Variants in GSR observed in about 807,000 individuals in gnomAD.
The protein encoded by GSR is glutathione reductase, mitochondrial.
GSR carries 48 observed loss-of-function variants against 56.5 expected under a neutral mutation model. The observed-to-expected ratio is 0.85, with a 90% CI of 0.67 to 1.08. The LOEUF is 1.08. Among genes scored for constraint, GSR ranks in the 50% least tolerant of loss-of-function variants. The pLI is 0.00. For synonymous variants in GSR, 264 were observed against 270.8 expected, an observed-to-expected ratio of 0.97 and a Z score of 0.25; for missense variants, 694 against 703.3, an observed-to-expected ratio of 0.99 and a Z score of 0.15.
chr8:30,727,708 G>A lies in GSR; in HGVS notation c.128C>T (p.Ala43Val), dbSNP rs1804792284. 1.4e-6 allele frequency: 2 copies of A among 1,424,594 alleles called. No homozygotes were observed. The highest frequency in any genetic ancestry group is 3.0e-5 in the Admixed American group (1 of 33,260). 88.2% of individuals were successfully genotyped at this position (1,424,594 alleles called of 1,614,324 possible). Residue 43 changes from alanine to valine, a missense_variant, in exon 1 of 13, where the codon GCC becomes GTC. Coordinates refer to ENST00000221130, the MANE Select transcript of GSR (RefSeq NM_000637.5). ...CTGCGGCTCCTGCCTGCAGGCCATG[G>A]CACGGGAGAGGGCGCGCGTGAGGGC... ...PAALTRALSR[A>V]MACRQEPQPQ...
intron 1 of GSR, among the ~76,000 whole-genome samples, chr8:30,726,299 C>T (rs190967714): frequency 1.5e-3 from 230 of 152,244 alleles, no homozygotes; most frequent in African/African-American, 5.2e-3. Context: ...GAAGCCCATC[C>T]CTGTCCTTAA....
chr8:30,727,584 G>T lies in GSR; in HGVS notation c.252C>A (p.Ala84=). The T allele has an allele frequency of 6.5e-7, 1 of 1,531,334 alleles. No individual in the cohort carries two copies. The allele number at this position is 1,531,334 out of a possible 1,614,324, so 94.9% of individuals were successfully genotyped here. A position where few individuals can be genotyped will look rare whatever the true frequency, so the allele number is the denominator to read the frequency against. Residue 84 remains alanine (A), a synonymous_variant, in exon 1 of 13, where the codon GCC becomes GCA. Transcript: ENST00000221130. ...SGGLASARRA[A]ELGARAAVVE... is the part of the protein sequence containing the mutation. ...CCACGGCGGCCCTGGCACCCAGCTC[G>T]GCCGCCCTGCGCGCGCTGGCCAGCC...
chr8:30,689,855 A>AT (rs1266672799), intron 8 of GSR, among the ~76,000 whole-genome samples: 4 of 142,216 alleles, frequency 2.8e-5, no homozygotes, highest in African/African-American at 1.0e-4. Context: ...TTATATATAA[A>AT]TATATTTATA....
intron 9 of GSR, among the ~76,000 whole-genome samples, chr8:30,684,793 A>C (rs1241179789): frequency 6.6e-6 from 1 of 152,022 alleles, no homozygotes; most frequent in East Asian, 1.9e-4. Context: ...TCTGTTACCC[A>C]GGCTGGAGTG....
At chr8:30,720,099 A>C (rs561171954) in intron 1 of GSR, among the ~76,000 whole-genome samples, 1 of 152,182 alleles carries the variant, frequency 6.6e-6, no homozygotes, top group South Asian at 2.1e-4. Flanking sequence ...CTGTAGTCCC[A>C]GCTACATGGG....
intron 8 of GSR, 40 bp downstream of exon 8, chr8:30,692,929 T>G: frequency 8.0e-7 from 1 of 1,249,976 alleles, no homozygotes; most frequent in East Asian, 2.3e-5. Flanking sequence ...AAAGTGTGAT[T>G]GACTGGGGGC....
chr8:30,692,898 AC>A (rs1446139954), intron 8 of GSR, 70 bp downstream of exon 8: 2 of 923,806 alleles, frequency 2.2e-6, no homozygotes, highest in African/African-American at 3.2e-5. Context: ...TTTTAAACTA[AC>A]TGGGCGAAGC....
At chr8:30,713,008 T>C (rs958264010) in intron 1 of GSR, among the ~76,000 whole-genome samples, 1 of 151,854 alleles carries the variant, frequency 6.6e-6, no homozygotes, top group African/African-American at 2.4e-5. Context: ...ACTTATGGAA[T>C]AAAAGTAGAA....
rs1489627801 is a variant in GSR at position 30,700,722 on chromosome 8, CCAAAAAA to C, written c.641-594_641-588del. On this transcript the variant is annotated intron_variant, in intron 5 of 12. Coordinates refer to ENST00000221130, the MANE Select transcript of GSR (RefSeq NM_000637.5). The stretch of plus-strand genomic sequence containing the variant: ...CTGGGAACAGAGCAAGATTTTGTCT[CCAAAAAA>C]AAAAAAAAAAAAAAAAAAAAATCGA... Among the ~76,000 whole-genome samples the C allele has an allele frequency of 4.6e-3, 39 of 8,420 alleles. 1 individual carries two copies. The highest frequency in any genetic ancestry group is 6.4e-3 in the African/African-American group (37 of 5,798). 5.5% of individuals were successfully genotyped at this position (8,420 alleles called of 152,430 possible).
chr8:30,717,249 G>GGAACAAAC (rs1804365022), intron 1 of GSR, among the ~76,000 whole-genome samples: 1 of 151,744 alleles, frequency 6.6e-6, no homozygotes, highest in African/African-American at 2.4e-5. Context: ...AAAGAAAAAG[G>GGAACAAAC]AAACAAACAA....
At chr8:30,726,680 T>G (rs1804736430) in intron 1 of GSR, among the ~76,000 whole-genome samples, 1 of 152,124 alleles carries the variant, frequency 6.6e-6, no homozygotes, top group Non-Finnish European at 1.5e-5. Flanking sequence ...GAGGATCCCT[T>G]GAGCCCGGGA....
chr8:30,708,272 C>T (rs1803983633), intron 3 of GSR, 131 bp from the exon 4 acceptor site: 1 of 746,530 alleles, frequency 1.3e-6, no homozygotes, highest in African/African-American at 1.7e-5. Flanking sequence ...GAGTGAATGT[C>T]TCCGAAGACA....
rs1554575680 is a variant in GSR, at chr8:30,727,620, GC to G, written c.215del (p.Gly72AlafsTer32). 6.6e-7 allele frequency: 1 copy of G among 1,509,846 alleles called. No homozygotes were observed. 93.5% of individuals were successfully genotyped at this position (1,509,846 alleles called of 1,614,324 possible). ...VASYDYLVIG[G>X]GSGGLASARR... ...GCGCGCTGGCCAGCCCGCCCGAGCC[GC>G]CCCCGATCACCAGGTAGTCATAGGA... On this transcript the variant is annotated frameshift_variant, in exon 1 of 13. Transcript: ENST00000221130. LOFTEE classifies it high-confidence loss of function.
At chr8:30,709,396 T>C (rs1804029012) in intron 3 of GSR, among the ~76,000 whole-genome samples, 1 of 152,108 alleles carries the variant, frequency 6.6e-6, no homozygotes, top group Non-Finnish European at 1.5e-5. Context: ...GAGGTTCTGA[T>C]ACATACTACA....
chr8:30,715,902 T>A (rs1228048734), intron 1 of GSR, among the ~76,000 whole-genome samples: 2 of 152,254 alleles, frequency 1.3e-5, no homozygotes, highest in African/African-American at 4.8e-5. Context: ...AAAAAGTTTT[T>A]AAAAAATATG....
chr8:30,700,010 G>T, intron 6 of GSR, 71 bp downstream of exon 6: 1 of 1,063,182 alleles, frequency 9.4e-7, no homozygotes, highest in Non-Finnish European at 1.5e-6. Context: ...CTTGGGAGGA[G>T]AAGACGAAGA....
At chr8:30,684,936 T>C (rs1275634421) in intron 9 of GSR, among the ~76,000 whole-genome samples, 13 of 3,932 alleles carry the variant, frequency 3.3e-3, no homozygotes, top group East Asian at 0.02. Flanking sequence ...TACATTTATT[T>C]ATTTATTTAT....
intron 1 of GSR, among the ~76,000 whole-genome samples, chr8:30,718,721 G>C (rs912606142): frequency 6.6e-6 from 1 of 152,058 alleles, no homozygotes; most frequent in Non-Finnish European, 1.5e-5. Flanking sequence ...CGGTTCTCCA[G>C]GTGGGCATTA....
intron 4 of GSR, among the ~76,000 whole-genome samples, chr8:30,705,202 G>A (rs955444582): frequency 6.6e-6 from 1 of 151,724 alleles, no homozygotes; most frequent in Non-Finnish European, 1.5e-5. Context: ...AAGGCAGAAG[G>A]GTTGCTTGAG....
Sources: allele counts gnomAD v4.1 joint callset (sites outside exome capture counted in the v4.1 genomes callset), GRCh38; gene constraint gnomAD v4.1.1; transcripts MANE v1.5; gene names NCBI Gene and HGNC (gene_info 2026-07-23, HGNC 2026-07-21).